Variants in IMMP2L observed in about 807,000 individuals in gnomAD.
The protein encoded by IMMP2L is mitochondrial inner membrane protease subunit 2.
In IMMP2L, 18 loss-of-function variants were observed where a neutral mutation model predicts 19.3. That is an observed-to-expected ratio of 0.93 (90% CI 0.64 to 1.38). The LOEUF is 1.38. Among genes scored for constraint, IMMP2L ranks in the 40% most tolerant of loss-of-function variants. The pLI is 0.00. For missense variants in IMMP2L, 233 were observed against 218.2 expected (o/e 1.07, Z -0.43); for synonymous variants, 76 against 73.0 (o/e 1.04, Z -0.21).
intron 3 of IMMP2L, among the ~76,000 whole-genome samples, chr7:111,450,480 C>A (rs371982542): frequency 1.3e-5 from 2 of 151,474 alleles, no homozygotes; most frequent in Non-Finnish European, 2.9e-5. Context: ...ATTTAATAAA[C>A]GGTGCTGGGA....
At position 110,814,240 on chromosome 7, in the gene IMMP2L, T is replaced by C. The variant is rs536163486; in HGVS notation, c.408+72353A>G. ...TTTTTCTTATGTCACAGGAATGGTG[T>C]ATAATGTTTTTATAAGCAATTGCCA... On this transcript the variant is annotated intron_variant, in intron 5 of 5. Transcript: ENST00000405709. Among the ~76,000 whole-genome samples the C allele has an allele frequency of 4.8e-4, 73 of 152,078 alleles. 2 individuals are homozygous for C. The highest frequency in any genetic ancestry group is 1.7e-3 in the African/African-American group (70 of 41,552).
chr7:111,086,132 A>G (rs550073320), intron 3 of IMMP2L, among the ~76,000 whole-genome samples: 1 of 151,886 alleles, frequency 6.6e-6, no homozygotes, highest in Admixed American at 6.6e-5. Context: ...AAAAGTATTT[A>G]AAAAAAAGAC....
chr7:111,498,982 T>C (rs954037687), intron 2 of IMMP2L, among the ~76,000 whole-genome samples: 7 of 152,254 alleles, frequency 4.6e-5, no homozygotes, highest in Non-Finnish European at 2.9e-5. Flanking sequence ...ATACCTTATA[T>C]CATTTATCTA....
At chr7:110,938,620 T>A (rs1248379575) in intron 4 of IMMP2L, among the ~76,000 whole-genome samples, 2 of 152,124 alleles carry the variant, frequency 1.3e-5, no homozygotes, top group African/African-American at 2.4e-5. Context: ...AAAAGATAAC[T>A]GATCTTGTGC....
chr7:110,884,027 T>C (rs1198626561), intron 5 of IMMP2L, among the ~76,000 whole-genome samples: 1 of 152,078 alleles, frequency 6.6e-6, no homozygotes, highest in Non-Finnish European at 1.5e-5. Context: ...GCAGGCATTT[T>C]TAATTGAAGA....
intron 3 of IMMP2L, among the ~76,000 whole-genome samples, chr7:111,009,578 G>A (rs992976108): frequency 6.6e-6 from 1 of 151,984 alleles, no homozygotes; most frequent in African/African-American, 2.4e-5. Context: ...CCCATTTTAA[G>A]TTGTTAATAT....
At chr7:110,813,992 A>G (rs950209761) in intron 5 of IMMP2L, among the ~76,000 whole-genome samples, 3 of 152,010 alleles carry the variant, frequency 2.0e-5, no homozygotes, top group East Asian at 1.9e-4. Flanking sequence ...TTCAGAACAC[A>G]GGCTATTTTT....
chr7:111,405,466 C>T (rs187702177), intron 3 of IMMP2L, among the ~76,000 whole-genome samples: 2 of 152,070 alleles, frequency 1.3e-5, no homozygotes, highest in East Asian at 3.9e-4. Flanking sequence ...AAGTTATGAA[C>T]ATTTTATATT....
In IMMP2L at chr7:111,229,540, A is replaced by G. The variant is rs1487501932; in HGVS notation, c.239+257698T>C. Among the ~76,000 whole-genome samples, 4 of 151,910 alleles carry G rather than the reference A, an allele frequency of 2.6e-5. No individual in the cohort carries two copies. The East Asian group carries it at 7.8e-4, about 30-fold the overall frequency. On this transcript the variant is annotated intron_variant, in intron 3 of 5. Coordinates refer to ENST00000405709, the MANE Select transcript of IMMP2L (RefSeq NM_032549.4). ...AAAGGTTGCCACACCAACTCACCCT[A>G]CTCACATTCCCACCGTCTCCTTCCA...
rs200127921 is a variant in IMMP2L at position 111,458,448 on chromosome 7, C to CA, written c.239+28789dup. ...AAACATAATATGCTTTCTGTTTTAA[C>CA]AAATGAATAACTTACCATTGTACCA... On this transcript the variant is annotated intron_variant, in intron 3 of 5. Coordinates refer to ENST00000405709, the MANE Select transcript of IMMP2L (RefSeq NM_032549.4). Among the ~76,000 whole-genome samples, 1,361 of 152,072 alleles carry CA rather than the reference C, an allele frequency of 8.9e-3. 25 individuals carry two copies. Among genetic ancestry groups the CA allele is most frequent in the African/African-American group, 0.031 (1,287 of 41,476 alleles).
intron 3 of IMMP2L, among the ~76,000 whole-genome samples, chr7:111,114,139 C>CACAA (rs1799562591): frequency 6.6e-6 from 1 of 151,772 alleles, no homozygotes; most frequent in African/African-American, 2.4e-5. Flanking sequence ...AATCTACACA[C>CACAA]ACACACACAC....
intron 4 of IMMP2L, among the ~76,000 whole-genome samples, chr7:110,921,565 A>G (rs531109308): frequency 2.0e-5 from 3 of 152,314 alleles, no homozygotes; most frequent in African/African-American, 7.2e-5. Context: ...ATATCACTGT[A>G]AAGTGCACAT....
At chr7:111,274,178 GATA>G (rs1281651938) in intron 3 of IMMP2L, among the ~76,000 whole-genome samples, 1 of 152,048 alleles carries the variant, frequency 6.6e-6, no homozygotes, top group Non-Finnish European at 1.5e-5. Context: ...TGTAATTAGT[GATA>G]ATAATCAAGC....
intron 5 of IMMP2L, among the ~76,000 whole-genome samples, chr7:110,771,929 T>C (rs562871102): frequency 6.6e-6 from 1 of 152,302 alleles, no homozygotes; most frequent in Admixed American, 6.5e-5. Flanking sequence ...GATGTGCTCT[T>C]AACCACTATG....
At chr7:111,300,253 A>G (rs1822077320) in intron 3 of IMMP2L, among the ~76,000 whole-genome samples, 1 of 152,180 alleles carries the variant, frequency 6.6e-6, no homozygotes, top group South Asian at 2.1e-4. Context: ...TTCTGTTTGC[A>G]TAGCAGACCC....
chr7:111,033,249 T>G (rs1177114564), intron 3 of IMMP2L, among the ~76,000 whole-genome samples: 1 of 152,272 alleles, frequency 6.6e-6, no homozygotes, highest in Non-Finnish European at 1.5e-5. Flanking sequence ...TGTCATTTGA[T>G]AATTGCTAAT....
rs78499836 is a variant in IMMP2L, at chr7:110,805,869, G to T, written c.408+80724C>A. On this transcript the variant is annotated intron_variant, in intron 5 of 5. Coordinates refer to ENST00000405709, the MANE Select transcript of IMMP2L (RefSeq NM_032549.4). Reference sequence around the variant, plus strand: ...CTAATGACGTGGTATAATGCTTGGGGTATAATGCTATACCCCAAGCACACA... The same window carrying T: ...CTAATGACGTGGTATAATGCTTGGGTTATAATGCTATACCCCAAGCACACA... Among the ~76,000 whole-genome samples the T allele has an allele frequency of 8.6e-4, 130 of 151,890 alleles. 5 individuals carry two copies. The East Asian group carries it at 0.024, about 28-fold the overall frequency.
rs533069202 is a variant in IMMP2L at position 111,366,722 on chromosome 7, T to C, written c.239+120516A>G. 2.6e-5 allele frequency among the ~76,000 whole-genome samples: 4 copies of C among 152,090 alleles called. No homozygotes were observed. The South Asian group carries it at 6.2e-4, about 24-fold the overall frequency. ...AGGAAGGCAATAATATCTGAAACTT[T>C]CGGAAGATTCTAAAAAAAGAAGAAT... On this transcript the variant is annotated intron_variant, in intron 3 of 5. Transcript: ENST00000405709.
At chr7:110,764,784 T>G (rs1409248328) in intron 5 of IMMP2L, among the ~76,000 whole-genome samples, 1 of 152,108 alleles carries the variant, frequency 6.6e-6, no homozygotes, top group Non-Finnish European at 1.5e-5. Context: ...AGTATTTAAG[T>G]GCAGCATCAT....
Sources: gnomAD v4.1 joint callset for allele counts (sites outside exome capture counted in the v4.1 genomes callset) on GRCh38, gnomAD v4.1.1 for gene constraint, MANE v1.5 for transcripts, NCBI Gene and HGNC (gene_info 2026-07-23, HGNC 2026-07-21) for gene names.